Variants in TOP1MT observed in about 807,000 individuals in gnomAD.
The protein encoded by TOP1MT is DNA topoisomerase I, mitochondrial.
TOP1MT carries 80 observed loss-of-function variants against 73.9 expected under a neutral mutation model. The observed-to-expected ratio is 1.08, with a 90% confidence interval of 0.90 to 1.30. The LOEUF is 1.30. Ranked by LOEUF, TOP1MT falls within the 50% of genes most tolerant of loss-of-function variation. The pLI, the probability that TOP1MT is intolerant of heterozygous loss-of-function variation, is 0.00. For synonymous variants in TOP1MT, 338 were observed against 326.4 expected (o/e 1.04, Z -0.38); for missense variants, 815 against 808.0 (o/e 1.01, Z -0.10).
intron 7 of TOP1MT, among the ~76,000 whole-genome samples, chr8:143,322,187 C>CAG (rs1728831707): frequency 1.1e-5 from 1 of 91,276 alleles, no homozygotes; most frequent in Non-Finnish European, 2.3e-5. Context: ...GCACGCCACA[C>CAG]AGGCACGCCA....
intron 4 of TOP1MT, 62 bp from the exon 5 acceptor site, chr8:143,325,595 G>A (rs777676495): frequency 3.3e-5 from 50 of 1,505,232 alleles, no homozygotes; most frequent in Middle Eastern, 1.7e-4. Flanking sequence ...GCCTCAGTCC[G>A]TTGTTGCTAA....
At chr8:143,325,589 C>CA (rs1465428527) in intron 4 of TOP1MT, 56 bp from the exon 5 acceptor site, 15 of 1,536,008 alleles carry the variant, frequency 9.8e-6, no homozygotes, top group Non-Finnish European at 1.3e-5. Context: ...GAACAGGCCT[C>CA]AGTCCGTTGT....
chr8:143,348,172 G>A (rs1817260195), upstream of TOP1MT, among the ~76,000 whole-genome samples: 1 of 152,256 alleles, frequency 6.6e-6, no homozygotes, highest in South Asian at 2.1e-4. This position sits in a 1 kb window ranked among gnomAD's most constrained non-coding sequence, Gnocchi z 4.6. Flanking sequence ...ACCCAGGCCC[G>A]CCCCATCCAG....
intron 12 of TOP1MT, among the ~76,000 whole-genome samples, chr8:143,312,911 A>C (rs577426413): frequency 1.3e-5 from 2 of 152,164 alleles, no homozygotes; most frequent in African/African-American, 4.8e-5. Flanking sequence ...ACATACAAAA[A>C]TTTTCTTAGT....
chr8:143,347,341 G>T (rs972510840), upstream of TOP1MT, among the ~76,000 whole-genome samples: 2 of 152,172 alleles, frequency 1.3e-5, no homozygotes, highest in Non-Finnish European at 2.9e-5. Flanking sequence ...ATTTTTAGTA[G>T]AGACAGGGTT....
intron 7 of TOP1MT, among the ~76,000 whole-genome samples, chr8:143,321,940 G>GCACGCCACACACA (rs1816421693): frequency 9.2e-5 from 3 of 32,448 alleles, no homozygotes; most frequent in Non-Finnish European, 2.0e-4. Context: ...CGCCACACAC[G>GCACGCCACACACA]CACGCCACAC....
intron 8 of TOP1MT, 91 bp downstream of exon 8, chr8:143,321,110 C>A: frequency 1.4e-6 from 2 of 1,385,760 alleles, no homozygotes; most frequent in Non-Finnish European, 9.7e-7. Context: ...GGCAAACGGG[C>A]CACAGACCCC....
chr8:143,343,525 C>T, intron 1 of TOP1MT: 1 of 325,850 alleles, frequency 3.1e-6, no homozygotes, highest in Non-Finnish European at 6.1e-6. Context: ...AGGCCAGAAG[C>T]TGCGAACACA....
intron 2 of TOP1MT, among the ~76,000 whole-genome samples, chr8:143,342,713 GTTATTA>G (rs1194639809): frequency 5.7e-5 from 6 of 104,962 alleles, no homozygotes; most frequent in Non-Finnish European, 9.6e-5. Flanking sequence ...GAGTCTCGCT[GTTATTA>G]TTATTATTAG....
At chr8:143,326,164 G>C in intron 4 of TOP1MT, 58 bp downstream of exon 4, 1 of 1,598,206 alleles carries the variant, frequency 6.3e-7, no homozygotes, top group Non-Finnish European at 8.5e-7. Flanking sequence ...TTTGGGCCAG[G>C]CCGGCCTCTC....
At chr8:143,340,820 C>T (rs1018435130) in intron 2 of TOP1MT, among the ~76,000 whole-genome samples, 5 of 152,206 alleles carry the variant, frequency 3.3e-5, no homozygotes, top group Admixed American at 1.3e-4. Flanking sequence ...TGTGCCACTA[C>T]CTAATTTGTC....
intron 1 of TOP1MT, chr8:143,333,669 G>C (rs926851736): frequency 6.6e-6 from 1 of 152,334 alleles, no homozygotes; most frequent in Admixed American, 6.5e-5. Context: ...TTTCACCCCT[G>C]CAGAGACCAG....
chr8:143,327,750 G>A, intron 3 of TOP1MT: 2 of 393,608 alleles, frequency 5.1e-6, no homozygotes, highest in South Asian at 1.7e-5. Flanking sequence ...GAAAGGCAGA[G>A]GGGTGGCATC....
chr8:143,326,253 G>A lies in TOP1MT; in HGVS notation c.452C>T (p.Ala151Val). Residue 151 changes from alanine to valine, a missense_variant, in exon 4 of 14, where the codon GCC (alanine) becomes GTC (valine). Coordinates refer to ENST00000329245, the MANE Select transcript of TOP1MT (RefSeq NM_052963.3). ...IHRYFVDKAA[A>V]RKVLSREEKQ... ...CTCCTCCCTGCTCAGGACTTTCCGG[G>A]CTGCGGCCTTGTCCACAAAGTATCT... 1 of 1,613,988 alleles carries A rather than the reference G, an allele frequency of 6.2e-7. No homozygotes were observed. Among genetic ancestry groups the A allele is most frequent in the Non-Finnish European group, 8.5e-7 (1 of 1,180,034 alleles).
intron 2 of TOP1MT, chr8:143,343,105 T>G (rs1172261144): frequency 2.3e-6 from 1 of 443,508 alleles, no homozygotes; most frequent in Admixed American, 2.5e-5. Context: ...AATCAGACAC[T>G]AAGTTCATTT....
chr8:143,323,278 C>T (rs1245188400), intron 7 of TOP1MT, among the ~76,000 whole-genome samples: 10 of 109,476 alleles, frequency 9.1e-5, no homozygotes, highest in South Asian at 3.4e-4. Context: ...ACGCCACACA[C>T]GCACGCCACA....
intron 12 of TOP1MT, among the ~76,000 whole-genome samples, chr8:143,315,393 G>A (rs887770289): frequency 1.1e-4 from 17 of 152,280 alleles, no homozygotes; most frequent in African/African-American, 3.8e-4. Flanking sequence ...AAACAGGGAA[G>A]GGCCCCGTGT....
chr8:143,336,969 AATTT>A (rs1399887257), upstream of TOP1MT, among the ~76,000 whole-genome samples: 9 of 152,370 alleles, frequency 5.9e-5, no homozygotes, highest in South Asian at 2.1e-4. Flanking sequence ...TTAAGAAAAT[AATTT>A]ATTATAGCAT....
upstream of TOP1MT, among the ~76,000 whole-genome samples, chr8:143,348,723 G>A (rs901983897): frequency 6.6e-6 from 1 of 152,164 alleles, no homozygotes; most frequent in Non-Finnish European, 1.5e-5. The surrounding 1 kb of genome is among the most constrained non-coding windows in gnomAD (Gnocchi z 4.6). Flanking sequence ...GCCTCTGCAG[G>A]CTGTGAGGAT....
Sources: gnomAD v4.1 joint callset for allele counts (sites outside exome capture counted in the v4.1 genomes callset) on GRCh38, gnomAD v4.1.1 for gene constraint, Gnocchi (gnomAD v3.1) non-coding constraint, MANE v1.5 for transcripts, NCBI Gene and HGNC (gene_info 2026-07-23, HGNC 2026-07-21) for gene names.